TTLL11: variants seen among roughly 807,000 people sequenced by gnomAD.
TTLL11 encodes tubulin polyglutamylase TTLL11.
Under a neutral mutation model 51.7 loss-of-function variants are expected in TTLL11, and 42 were observed. The ratio of observed to expected loss-of-function variants is 0.81; its 90% confidence interval spans 0.64 to 1.05. TTLL11 has a LOEUF of 1.05. Ranked by LOEUF, TTLL11 falls within the 50% of genes least tolerant of loss-of-function variation. TTLL11 has a pLI of 0.00. For missense variants in TTLL11, 799 were observed against 940.4 expected (o/e 0.85, Z 1.97); for synonymous variants, 381 against 383.5 (o/e 0.99, Z 0.08).
Position 121,901,085 on chromosome 9 carries a change from A to G in TTLL11, c.1482-30337T>C, listed in dbSNP as rs188157321. 3.0e-3 allele frequency among the ~76,000 whole-genome samples: 463 copies of G among 151,858 alleles called. 3 individuals are homozygous for G. Among genetic ancestry groups the G allele is most frequent in the African/African-American group, 0.011 (444 of 41,408 alleles). On this transcript the variant is annotated intron_variant, in intron 6 of 8. Transcript: ENST00000321582. ...CCACCACACCCTGCCTGGTATTTCA[A>G]CCTCTTTGTGGCTACTGTAAATGGG...
At position 121,853,503 on chromosome 9, in the gene TTLL11, G is replaced by A. The variant is rs1349721119; in HGVS notation, c.1840+6834C>T. On this transcript the variant is annotated intron_variant, in intron 8 of 8. Coordinates refer to ENST00000321582, the MANE Select transcript of TTLL11 (RefSeq NM_001139442.2). This position sits in a 1 kb window ranked among gnomAD's most constrained non-coding sequence, Gnocchi z 5.6. ...GAGGGGGCCGGCCATTCTGGCTGGA[G>A]TGAGTGTGAGGCTAGTGATGAGTGG... Among the ~76,000 whole-genome samples the A allele has an allele frequency of 2.0e-5, 3 of 152,096 alleles. No individual in the cohort carries two copies. The highest frequency in any genetic ancestry group is 1.3e-4 in the Admixed American group (2 of 15,284).
chr9:122,050,113 C>T (rs570537595), intron 1 of TTLL11, among the ~76,000 whole-genome samples: 19 of 152,212 alleles, frequency 1.2e-4, no homozygotes, highest in African/African-American at 3.6e-4. Context: ...ACTTTGCTTC[C>T]GCAGCTCAGC....
At chr9:121,978,967 A>G (rs1379537140) in intron 4 of TTLL11, among the ~76,000 whole-genome samples, 2 of 152,126 alleles carry the variant, frequency 1.3e-5, no homozygotes, top group African/African-American at 4.8e-5. Flanking sequence ...CTTTTGTGGA[A>G]TGCCCCCTCG....
At chr9:122,012,124 C>A (rs758412063) in intron 3 of TTLL11, among the ~76,000 whole-genome samples, 2 of 152,146 alleles carry the variant, frequency 1.3e-5, no homozygotes, top group Non-Finnish European at 2.9e-5. Context: ...GGAGAGATTT[C>A]TTTCTTTCTT....
chr9:122,087,802 T>G (rs1846166354), intron 1 of TTLL11, among the ~76,000 whole-genome samples: 1 of 152,090 alleles, frequency 6.6e-6, no homozygotes, highest in Non-Finnish European at 1.5e-5. Flanking sequence ...ACCATACAAA[T>G]CCATAAACAT....
At chr9:121,874,873 C>T (rs1235318051) in intron 6 of TTLL11, among the ~76,000 whole-genome samples, 2 of 151,760 alleles carry the variant, frequency 1.3e-5, no homozygotes, top group South Asian at 4.2e-4. Flanking sequence ...TCTCTTGTCT[C>T]AGCCTCCCAA....
At chr9:122,072,710 T>C (rs1265729637) in intron 1 of TTLL11, among the ~76,000 whole-genome samples, 1 of 152,106 alleles carries the variant, frequency 6.6e-6, no homozygotes, top group Non-Finnish European at 1.5e-5. Flanking sequence ...CCACAATCCA[T>C]GCTGAGCCCC....
chr9:121,958,155 G>A (rs1353962465), intron 6 of TTLL11, among the ~76,000 whole-genome samples: 1 of 152,190 alleles, frequency 6.6e-6, no homozygotes, highest in African/African-American at 2.4e-5. Flanking sequence ...ACTCCAAGAG[G>A]TTAAGTGACT....
At chr9:121,856,932 G>C (rs959629291) in intron 8 of TTLL11, among the ~76,000 whole-genome samples, 5 of 152,220 alleles carry the variant, frequency 3.3e-5, no homozygotes, top group Non-Finnish European at 5.9e-5. Context: ...TTGCTACTCA[G>C]TAGCTTCCTG....
intron 6 of TTLL11, among the ~76,000 whole-genome samples, chr9:121,952,456 A>C (rs1032748035): frequency 2.0e-5 from 3 of 151,764 alleles, no homozygotes; most frequent in African/African-American, 7.3e-5. Context: ...AAAAAAAAAA[A>C]AAAAAAACTG....
At chr9:122,084,414 G>A (rs1350315636) in intron 1 of TTLL11, among the ~76,000 whole-genome samples, 5 of 152,132 alleles carry the variant, frequency 3.3e-5, no homozygotes, top group Non-Finnish European at 7.3e-5. Flanking sequence ...CAGCTGGCAA[G>A]GCACAATTTG....
At chr9:122,052,688 G>A (rs562459913) in intron 1 of TTLL11, among the ~76,000 whole-genome samples, 43 of 152,210 alleles carry the variant, frequency 2.8e-4, no homozygotes, top group African/African-American at 1.0e-3. Context: ...TGTTTTGCAG[G>A]ACTAGCCTAA....
At chr9:121,952,680 A>G (rs9409245) in intron 6 of TTLL11, among the ~76,000 whole-genome samples, 105,132 of 151,888 alleles carry the variant, frequency 0.69, 37,011 homozygotes, top group Non-Finnish European at 0.77. Flanking sequence ...TGATTGGTGA[A>G]TTTGGAGACA....
chr9:122,082,996 T>C (rs1469852686), intron 1 of TTLL11, among the ~76,000 whole-genome samples: 1 of 152,186 alleles, frequency 6.6e-6, no homozygotes, highest in Non-Finnish European at 1.5e-5. Context: ...ATTGCGCCAC[T>C]ATACTCCAAC....
At chr9:121,861,417 G>A (rs1402832421) in intron 7 of TTLL11, among the ~76,000 whole-genome samples, 1 of 152,034 alleles carries the variant, frequency 6.6e-6, no homozygotes, top group African/African-American at 2.4e-5. Context: ...TCTGCCACTT[G>A]GAAGCTGCAT....
intron 6 of TTLL11, among the ~76,000 whole-genome samples, chr9:121,891,992 G>A (rs1033051844): frequency 6.9e-6 from 1 of 145,096 alleles, no homozygotes; most frequent in African/African-American, 2.5e-5. Context: ...ATATATATGA[G>A]ATAATATCAC....
intron 1 of TTLL11, among the ~76,000 whole-genome samples, chr9:122,047,231 C>A (rs1845033787): frequency 6.6e-6 from 1 of 152,164 alleles, no homozygotes; most frequent in African/African-American, 2.4e-5. Flanking sequence ...TCAAATGTAT[C>A]CCAGTTTGGG....
intron 2 of TTLL11, among the ~76,000 whole-genome samples, chr9:122,038,782 G>C (rs540623401): frequency 1.4e-4 from 21 of 152,308 alleles, no homozygotes; most frequent in African/African-American, 5.1e-4. Flanking sequence ...GATAAGTCTT[G>C]CTGAGATAAT....
intron 6 of TTLL11, among the ~76,000 whole-genome samples, chr9:121,899,386 T>C (rs866745412): frequency 4.7e-5 from 5 of 105,746 alleles, no homozygotes; most frequent in African/African-American, 9.0e-5. Context: ...TACATATATA[T>C]ATATATATAT....
Sources: allele counts gnomAD v4.1 joint callset (sites outside exome capture counted in the v4.1 genomes callset), GRCh38; gene constraint gnomAD v4.1.1; non-coding constraint Gnocchi (gnomAD v3.1); transcripts MANE v1.5; gene names NCBI Gene and HGNC (gene_info 2026-07-23, HGNC 2026-07-21).